The following FGD3 variants were observed in gnomAD, a reference collection of about 807,000 sequenced individuals.
The protein encoded by FGD3 is FYVE, RhoGEF and PH domain containing 3.
A neutral mutation model predicts 71.8 loss-of-function variants in FGD3; 45 were observed. The observed-to-expected ratio is 0.63, with a 90% CI of 0.49 to 0.80. FGD3 has a LOEUF of 0.80. FGD3 is among the 30% of genes least tolerant of loss of function. The pLI is 0.00. For missense variants in FGD3, 844 were observed against 951.5 expected, an observed-to-expected ratio of 0.89 and a Z score of 1.49; for synonymous variants, 378 against 392.8, an observed-to-expected ratio of 0.96 and a Z score of 0.44.
At chr9:93,006,463 T>C (rs1861058750) in intron 6 of FGD3, among the ~76,000 whole-genome samples, 1 of 152,204 alleles carries the variant, frequency 6.6e-6, no homozygotes, top group Non-Finnish European at 1.5e-5. Context: ...CGAGCTATTA[T>C]CTGATGGAAC....
At chr9:92,988,143 C>G (rs1860260324) in intron 3 of FGD3, among the ~76,000 whole-genome samples, 1 of 152,184 alleles carries the variant, frequency 6.6e-6, no homozygotes, top group Admixed American at 6.5e-5. Context: ...AAAGAAAGCT[C>G]TCAGCAAAGA....
chr9:93,004,276 C>T lies in FGD3; in HGVS notation c.680+139C>T, dbSNP rs1036752678. The T allele has an allele frequency of 5.5e-6, 6 of 1,082,968 alleles. No homozygotes were observed. In the African/African-American group the frequency reaches 6.3e-5, roughly 11 times the overall value. 67.1% of individuals were successfully genotyped at this position (1,082,968 alleles called of 1,614,324 possible). A position where few individuals can be genotyped will look rare whatever the true frequency, so the allele number is the denominator to read the frequency against. On this transcript the variant is annotated intron_variant, in intron 5 of 17. Coordinates refer to ENST00000375482, the MANE Select transcript of FGD3 (RefSeq NM_001083536.2). ...TCCCTTCTCTGCACGGTCCTGGGTC[C>T]GATCCAGACTCCACCCCTTCCTGGT...
At chr9:93,010,456 G>A (rs934934788) in intron 7 of FGD3, 72 bp downstream of exon 7, 19 of 1,467,600 alleles carry the variant, frequency 1.3e-5, no homozygotes, top group Non-Finnish European at 1.6e-5. Flanking sequence ...GGGGAGAGAG[G>A]GAGAGAGAGA....
At chr9:93,035,196 C>T in intron 17 of FGD3, 142 bp from the exon 18 acceptor site, 1 of 1,240,868 alleles carries the variant, frequency 8.1e-7, no homozygotes, top group Non-Finnish European at 1.1e-6. Context: ...AGTGCAGGCA[C>T]AGCCACCAGA....
chr9:93,016,208 A>G (rs1861678539), intron 10 of FGD3, among the ~76,000 whole-genome samples: 1 of 151,984 alleles, frequency 6.6e-6, no homozygotes, highest in South Asian at 2.1e-4. Flanking sequence ...GCAGGGAGCA[A>G]TCCTGGCTGG....
Position 93,003,145 on chromosome 9 carries a change from TTG to T in FGD3, c.543+132_543+133del. On this transcript the variant is annotated intron_variant, in intron 4 of 17. Coordinates refer to ENST00000375482, the MANE Select transcript of FGD3 (RefSeq NM_001083536.2). The surrounding 1 kb of genome is among the most constrained non-coding windows in gnomAD (Gnocchi z 4.1). ...CTGGTCTACAAACTTTTTTTTTTTT[TTG>T]AGACAAAGTCTCACTCTGTCACCCA... 6 of 839,520 alleles carry T rather than the reference TTG, an allele frequency of 7.1e-6. No homozygotes were observed. The highest frequency in any genetic ancestry group is 9.1e-6 in the Non-Finnish European group (5 of 550,642). 52.0% of individuals were successfully genotyped at this position (839,520 alleles called of 1,614,324 possible).
intron 3 of FGD3, among the ~76,000 whole-genome samples, chr9:92,984,604 TA>T (rs1860121693): frequency 6.6e-6 from 1 of 152,164 alleles, no homozygotes; most frequent in South Asian, 2.1e-4. Flanking sequence ...AGTTATTGGT[TA>T]AAGATTTAGG....
At position 92,992,429 on chromosome 9, in the gene FGD3, T is replaced by C. The variant is rs917705076; in HGVS notation, c.454-10496T>C. ...ATAAGACTGGTCTAGTGGTGATGAA[T>C]TCCCTTAGATTTTGCTTGTTGGTTA... On this transcript the variant is annotated intron_variant, in intron 3 of 17. Coordinates refer to ENST00000375482, the MANE Select transcript of FGD3 (RefSeq NM_001083536.2). Among the ~76,000 whole-genome samples, 4 of 152,352 alleles carry C rather than the reference T, an allele frequency of 2.6e-5. No individual in the cohort carries two copies. The East Asian group carries it at 7.7e-4, about 29-fold the overall frequency.
At chr9:92,973,650 G>A (rs796943237) in intron 1 of FGD3, among the ~76,000 whole-genome samples, 7 of 152,290 alleles carry the variant, frequency 4.6e-5, no homozygotes, top group African/African-American at 1.7e-4. Context: ...AGTATTCAAC[G>A]CAATGCCCCG....
chr9:92,947,872 G>C (rs1213152399), intron 1 of FGD3, 143 bp downstream of exon 1: 1 of 152,498 alleles, frequency 6.6e-6, no homozygotes, highest in African/African-American at 2.4e-5. Context: ...TCTGCAGAAG[G>C]AGGAGGTGAC....
Position 93,013,917 on chromosome 9 carries a change from G to C in FGD3, c.1101G>C (p.Pro367=). 1.9e-6 allele frequency: 3 copies of C among 1,613,032 alleles called. No homozygotes were observed. The South Asian group carries it at 3.3e-5, about 18-fold the overall frequency. The change falls in exon 9 of 18, where the codon CCG becomes CCC. Residue 367 remains proline, a synonymous_variant. Transcript: ENST00000375482. ...QLGGEEDIVN[P]ANELIKEGQI... is the part of the protein sequence containing the mutation. ...GTGGGGAAGAAGACATTGTCAACCC[G>C]GCCAATGAACTGATCAAGGAGGGCC...
chr9:93,035,330 T>C lies in FGD3; in HGVS notation c.1927-8T>C, dbSNP rs1295164187. ...TGGCCCCGCTGACCATCTGCTCCTC[T>C]GCTGCAGGACGGCCGGCTGCCCCGC... On this transcript the variant is annotated splice_polypyrimidine_tract_variant and splice_region_variant and intron_variant, in intron 17 of 17. Coordinates refer to ENST00000375482, the MANE Select transcript of FGD3 (RefSeq NM_001083536.2). The C allele has an allele frequency of 1.2e-6, 2 of 1,606,496 alleles. No homozygotes were observed. The highest frequency in any genetic ancestry group is 2.7e-5 in the African/African-American group (2 of 74,796).
At chr9:92,987,059 A>G (rs1429085897) in intron 3 of FGD3, among the ~76,000 whole-genome samples, 2 of 152,220 alleles carry the variant, frequency 1.3e-5, no homozygotes, top group Non-Finnish European at 2.9e-5. Flanking sequence ...CAGTGAGTGC[A>G]CAAGCCATTT....
intron 3 of FGD3, among the ~76,000 whole-genome samples, chr9:92,997,703 T>C (rs1208735121): frequency 6.6e-6 from 1 of 152,214 alleles, no homozygotes; most frequent in African/African-American, 2.4e-5. Flanking sequence ...TGTTTGTCTG[T>C]AAAGGATTTT....
chr9:93,032,864 G>A lies in FGD3; in HGVS notation c.1776G>A (p.Glu592=). 1 of 1,614,174 alleles carries A rather than the reference G, an allele frequency of 6.2e-7. No homozygotes were observed. Among genetic ancestry groups the A allele is most frequent in the African/African-American group, 1.3e-5 (1 of 75,066 alleles). Residue 592 remains glutamate (E), a synonymous_variant, in exon 16 of 18, where the codon GAG becomes GAA. Transcript: ENST00000375482. ...DCFLTQPVAP[E]STEKTPTADP... ...TCCTGACACAGCCAGTGGCCCCTGA[G>A]AGCACAGAGGTGGGTGCTCCCAGCT... is the stretch of plus-strand genomic sequence containing the variant.
At chr9:92,972,700 T>G (rs1351763019) in intron 1 of FGD3, among the ~76,000 whole-genome samples, 1 of 152,078 alleles carries the variant, frequency 6.6e-6, no homozygotes, top group African/African-American at 2.4e-5. Context: ...ATTTTTTTTG[T>G]CCACCCCTTT....
intron 1 of FGD3, among the ~76,000 whole-genome samples, chr9:92,965,224 G>A (rs747188296): frequency 8.5e-5 from 13 of 152,350 alleles, no homozygotes; most frequent in Non-Finnish European, 1.2e-4. Context: ...TGACTGAGTC[G>A]TGCCAGGCTC....
chr9:93,030,031 C>T, intron 15 of FGD3, 35 bp downstream of exon 15: 1 of 1,602,782 alleles, frequency 6.2e-7, no homozygotes. Flanking sequence ...GGACAGGAGG[C>T]CACCCTGTCC....
chr9:93,035,267 G>GC, intron 17 of FGD3, 71 bp from the exon 18 acceptor site: 1 of 1,547,216 alleles, frequency 6.5e-7, no homozygotes, highest in Non-Finnish European at 8.7e-7. Context: ...CCTGGGAGAG[G>GC]CCCCCATCAC....
Sources: allele counts gnomAD v4.1 joint callset (sites outside exome capture counted in the v4.1 genomes callset), GRCh38; gene constraint gnomAD v4.1.1; non-coding constraint Gnocchi (gnomAD v3.1); transcripts MANE v1.5; gene names NCBI Gene and HGNC (gene_info 2026-07-23, HGNC 2026-07-21).